Variants in IQCH observed in about 807,000 individuals in gnomAD.
The protein encoded by IQCH is IQ motif containing H, also known as IQ domain-containing protein H.
IQCH carries 98 observed loss-of-function variants against 117.0 expected under a neutral mutation model. That is an observed-to-expected ratio of 0.84 (90% confidence interval 0.71 to 0.99). The LOEUF is 0.99. IQCH is among the 50% of genes least tolerant of loss of function. IQCH has a pLI of 0.00. For missense variants in IQCH, 1,102 were observed against 1,243.8 expected (o/e 0.89, Z 1.72); for synonymous variants, 412 against 448.2 (o/e 0.92, Z 1.02).
At chr15:67,329,849 T>C (rs950848014) in intron 4 of IQCH, among the ~76,000 whole-genome samples, 5 of 143,112 alleles carry the variant, frequency 3.5e-5, no homozygotes, top group Admixed American at 1.4e-4. Context: ...CACACACATA[T>C]ACACATATAT....
chr15:67,320,699 GAATGGGCTCCTATTAACA>G, intron 4 of IQCH, among the ~76,000 whole-genome samples: 1 of 152,272 alleles, frequency 6.6e-6, no homozygotes, highest in East Asian at 1.9e-4. Context: ...TAGCTTTACA[GAATGGGCTCCTATTAACA>G]AATTATAGCT....
intron 10 of IQCH, among the ~76,000 whole-genome samples, chr15:67,382,830 T>C (rs771935327): frequency 6.6e-6 from 1 of 152,220 alleles, no homozygotes; most frequent in Non-Finnish European, 1.5e-5. Flanking sequence ...TATCCCAAAG[T>C]GCAATGTCTC....
rs1297704690 is a variant in IQCH, at chr15:67,473,543, C to A, written c.2677-2153C>A. Reference sequence around the variant, plus strand: ...CAAAGCATTTATCAATGGGCAGTGTCTTTCTTAAATTACATACTTTGAAGA... The same window carrying A: ...CAAAGCATTTATCAATGGGCAGTGTATTTCTTAAATTACATACTTTGAAGA... On this transcript the variant is annotated intron_variant, in intron 17 of 20. Coordinates refer to ENST00000335894, the MANE Select transcript of IQCH (RefSeq NM_001031715.3). The surrounding 1 kb of genome is among the most constrained non-coding windows in gnomAD (Gnocchi z 4.9). Among the ~76,000 whole-genome samples, 2 of 152,204 alleles carry A rather than the reference C, an allele frequency of 1.3e-5. No homozygotes were observed. Among genetic ancestry groups the A allele is most frequent in the Admixed American group, 1.3e-4 (2 of 15,280 alleles).
chr15:67,382,668 A>T (rs1339328287), intron 10 of IQCH, among the ~76,000 whole-genome samples: 1 of 152,226 alleles, frequency 6.6e-6, no homozygotes, highest in Non-Finnish European at 1.5e-5. Flanking sequence ...CCGTATAATA[A>T]TTGGTAGGTT....
At chr15:67,418,885 GT>G (rs74266565) in intron 15 of IQCH, among the ~76,000 whole-genome samples, 184 of 143,752 alleles carry the variant, frequency 1.3e-3, no homozygotes, top group Middle Eastern at 3.6e-3. Context: ...GCCTAATAAG[GT>G]TTTTTTTTTT....
intron 17 of IQCH, among the ~76,000 whole-genome samples, chr15:67,471,183 T>C (rs2083062213): frequency 2.0e-5 from 3 of 152,174 alleles, no homozygotes. Context: ...GTATATATCA[T>C]TTGGCACATT....
intron 4 of IQCH, among the ~76,000 whole-genome samples, chr15:67,311,211 T>C (rs889918578): frequency 1.3e-5 from 2 of 152,122 alleles, no homozygotes; most frequent in Admixed American, 1.3e-4. Flanking sequence ...AATCCTTAAT[T>C]ATTAAGGAAT....
chr15:67,493,583 C>G lies in IQCH; in HGVS notation c.2862-675C>G, dbSNP rs1386565660. Among the ~76,000 whole-genome samples, 3 of 152,184 alleles carry G rather than the reference C, an allele frequency of 2.0e-5. No homozygotes were observed. Among genetic ancestry groups the G allele is most frequent in the African/African-American group, 7.2e-5 (3 of 41,428 alleles). On this transcript the variant is annotated intron_variant, in intron 19 of 20. Transcript: ENST00000335894. The surrounding 1 kb of genome is among the most constrained non-coding windows in gnomAD (Gnocchi z 5.1). ...CAAAAGACTCCAGAATACTGAGATG[C>G]AAATGTCTCCATAGACAAGGAAATC...
chr15:67,283,468 T>A (rs993423746), intron 4 of IQCH, among the ~76,000 whole-genome samples: 7 of 152,132 alleles, frequency 4.6e-5, no homozygotes, highest in African/African-American at 1.7e-4. Flanking sequence ...ATAAAATATA[T>A]GCTATTTTAT....
chr15:67,346,928 G>T (rs757837869), intron 6 of IQCH, among the ~76,000 whole-genome samples: 1 of 151,816 alleles, frequency 6.6e-6, no homozygotes, highest in African/African-American at 2.4e-5. Context: ...TAAATAACCC[G>T]TGGATCAAAG....
rs1202020100 is a variant in IQCH at position 67,303,215 on chromosome 15, A to G, written c.387+23703A>G. Reference sequence around the variant, plus strand: ...GCCTACATATTTTGACTCCATTTTTATGAAATGTCCAGAATAGATACATCA... The same window carrying G: ...GCCTACATATTTTGACTCCATTTTTGTGAAATGTCCAGAATAGATACATCA... On this transcript the variant is annotated intron_variant, in intron 4 of 20. Transcript: ENST00000335894. Among the ~76,000 whole-genome samples, 7 of 152,188 alleles carry G rather than the reference A, an allele frequency of 4.6e-5. 1 individual carries two copies. The East Asian group carries it at 1.2e-3, about 25-fold the overall frequency.
chr15:67,371,597 G>GA, intron 8 of IQCH: 2 of 978,226 alleles, frequency 2.0e-6, no homozygotes, highest in South Asian at 1.6e-5. Flanking sequence ...GAAGATGGCA[G>GA]AAGAACTATA....
At chr15:67,303,056 TGAACAA>T in intron 4 of IQCH, among the ~76,000 whole-genome samples, 3 of 152,204 alleles carry the variant, frequency 2.0e-5, no homozygotes, top group Non-Finnish European at 2.9e-5. Context: ...AGATGGATCA[TGAACAA>T]ATCTGTCCAA....
At chr15:67,331,181 C>T (rs534051956) in intron 4 of IQCH, among the ~76,000 whole-genome samples, 30 of 152,044 alleles carry the variant, frequency 2.0e-4, no homozygotes, top group African/African-American at 5.5e-4. Flanking sequence ...CCACAGCTAA[C>T]GAAAGCAAGG....
rs1018972071 is a variant in IQCH, at chr15:67,474,423, A to G, written c.2677-1273A>G. ...GCCATGGCCCTATATGCAGTTCTCC[A>G]AATTTCCAGCTATCTAGAGAAAAAC... On this transcript the variant is annotated intron_variant, in intron 17 of 20. Transcript: ENST00000335894. This position sits in a 1 kb window ranked among gnomAD's most constrained non-coding sequence, Gnocchi z 4.1. Among the ~76,000 whole-genome samples the G allele has an allele frequency of 4.6e-5, 7 of 152,304 alleles. No homozygotes were observed. Among genetic ancestry groups the G allele is most frequent in the African/African-American group, 1.7e-4 (7 of 41,566 alleles).
At chr15:67,323,343 C>A (rs745428751) in intron 4 of IQCH, among the ~76,000 whole-genome samples, 6 of 149,142 alleles carry the variant, frequency 4.0e-5, no homozygotes, top group Non-Finnish European at 5.9e-5. Context: ...CCCAGGTTCA[C>A]GCCATTCTCC....
At chr15:67,414,665 T>C (rs4776928) in intron 14 of IQCH, among the ~76,000 whole-genome samples, 1 of 135,320 alleles carries the variant, frequency 7.4e-6, no homozygotes, top group Non-Finnish European at 1.6e-5. Flanking sequence ...AAAAAAAAAA[T>C]ATATATATAT....
intron 1 of IQCH, among the ~76,000 whole-genome samples, chr15:67,258,138 A>G (rs1965301340): frequency 6.6e-6 from 1 of 151,070 alleles, no homozygotes; most frequent in Non-Finnish European, 1.5e-5. Flanking sequence ...GGCTGAGGCA[A>G]GGAGAATTAC....
intron 4 of IQCH, among the ~76,000 whole-genome samples, chr15:67,292,989 T>C (rs982574872): frequency 6.6e-6 from 1 of 152,110 alleles, no homozygotes; most frequent in African/African-American, 2.4e-5. Context: ...TAGCCTGGAG[T>C]AGGCTCTCAG....
Sources: gnomAD v4.1 joint callset for allele counts (sites outside exome capture counted in the v4.1 genomes callset) on GRCh38, gnomAD v4.1.1 for gene constraint, Gnocchi (gnomAD v3.1) non-coding constraint, MANE v1.5 for transcripts, NCBI Gene and HGNC (gene_info 2026-07-23, HGNC 2026-07-21) for gene names.